The following SEPTIN9 variants were observed in gnomAD, a reference collection of about 807,000 sequenced individuals.
SEPTIN9 encodes septin 9, also known as septin-9.
Under a neutral mutation model 56.6 loss-of-function variants are expected in SEPTIN9, and 13 were observed. The observed-to-expected ratio is 0.23, with a 90% CI of 0.15 to 0.37. The LOEUF (loss-of-function observed/expected upper bound fraction) is 0.37. Ranked by LOEUF, SEPTIN9 falls within the 10% of genes least tolerant of loss-of-function variation. The pLI is 1.00. For synonymous variants in SEPTIN9, 332 were observed against 334.1 expected, an observed-to-expected ratio of 0.99 and a Z score of 0.07; for missense variants, 650 against 823.1, an observed-to-expected ratio of 0.79 and a Z score of 2.57.
In SEPTIN9 at chr17:77,389,107, T is replaced by C. The variant is rs991348732; in HGVS notation, c.77-12952T>C. Reference sequence around the variant, plus strand: ...TCCGGGTCCTGGTCCCCGGCAGAGCTTCCCATCCATGGGAAGAAGCACCGA... The same window carrying C: ...TCCGGGTCCTGGTCCCCGGCAGAGCCTCCCATCCATGGGAAGAAGCACCGA... On this transcript the variant is annotated intron_variant, in intron 2 of 11. Transcript: ENST00000427177. The surrounding 1 kb of genome is among the most constrained non-coding windows in gnomAD (Gnocchi z 4.3). Among the ~76,000 whole-genome samples, 1 of 152,096 alleles carries C rather than the reference T, an allele frequency of 6.6e-6. No homozygotes were observed. Among genetic ancestry groups the C allele is most frequent in the Non-Finnish European group, 1.5e-5 (1 of 67,998 alleles).
At chr17:77,373,629 G>A (rs932337007) in intron 2 of SEPTIN9, 66 of 1,515,436 alleles carry the variant, frequency 4.4e-5, no homozygotes, top group South Asian at 1.4e-4. Flanking sequence ...CGGGACGGGG[G>A]TGCGCTGAGG....
chr17:77,372,532 TTCCTTCGGAAACG>T (rs1274468639), intron 2 of SEPTIN9, among the ~76,000 whole-genome samples: 1 of 152,202 alleles, frequency 6.6e-6, no homozygotes. Flanking sequence ...CCTTCACACC[TTCCTTCGGAAACG>T]TCTGCTCCTG....
At chr17:77,409,089 A>G (rs560390967) in intron 3 of SEPTIN9, among the ~76,000 whole-genome samples, 1 of 151,894 alleles carries the variant, frequency 6.6e-6, no homozygotes, top group South Asian at 2.1e-4. Flanking sequence ...GGGATGCCTT[A>G]CTCGGAAGGT....
At position 77,453,230 on chromosome 17, in the gene SEPTIN9, G is replaced by C. The variant is rs1039694146; in HGVS notation, c.722-28914G>C. On this transcript the variant is annotated intron_variant, in intron 3 of 11. Coordinates refer to ENST00000427177, the MANE Select transcript of SEPTIN9 (RefSeq NM_001113491.2). The surrounding 1 kb of genome is among the most constrained non-coding windows in gnomAD (Gnocchi z 4.4). The stretch of plus-strand genomic sequence containing the variant: ...AGAAGATGCGACTTCTGCCCTGAGA[G>C]CCCTGCTTTAATGGAAGGCGGGGGC... Among the ~76,000 whole-genome samples, 1 of 152,098 alleles carries C rather than the reference G, an allele frequency of 6.6e-6. No homozygotes were observed. The highest frequency in any genetic ancestry group is 6.6e-5 in the Admixed American group (1 of 15,260).
In SEPTIN9 at chr17:77,451,409, GCTC is replaced by G; in HGVS notation, c.722-30732_722-30730del. Reference sequence around the variant, plus strand: ...CTACCTCTGCCCCGCGCTCTGGGAGGCTCCTTGTTCCGCGACCACAAAGCCCCT... The same window carrying G: ...CTACCTCTGCCCCGCGCTCTGGGAGGCTTGTTCCGCGACCACAAAGCCCCT... On this transcript the variant is annotated intron_variant, in intron 3 of 11. Transcript: ENST00000427177. The surrounding 1 kb of genome is among the most constrained non-coding windows in gnomAD (Gnocchi z 4.2). 2.0e-6 allele frequency: 2 copies of G among 985,684 alleles called. No homozygotes were observed. The highest frequency in any genetic ancestry group is 2.4e-6 in the Non-Finnish European group (2 of 830,086). 61.1% of individuals were successfully genotyped at this position (985,684 alleles called of 1,614,324 possible). A position where few individuals can be genotyped will look rare whatever the true frequency, so the allele number is the denominator to read the frequency against.
In SEPTIN9 at chr17:77,314,602, C is replaced by T. The variant is rs541654040; in HGVS notation, c.76+7405C>T. 1.6e-4 allele frequency among the ~76,000 whole-genome samples: 25 copies of T among 152,224 alleles called. No individual in the cohort carries two copies. The South Asian group carries it at 4.6e-3, about 28-fold the overall frequency. ...GGGACATGGAAGATGGCAGCAAATC[C>T]GAGCCCAGAGCATCAGAAAGCATGC... On this transcript the variant is annotated intron_variant, in intron 2 of 11. Transcript: ENST00000427177.
intron 3 of SEPTIN9, among the ~76,000 whole-genome samples, chr17:77,415,958 A>G (rs1385201131): frequency 6.6e-6 from 1 of 152,228 alleles, no homozygotes; most frequent in Non-Finnish European, 1.5e-5. Context: ...GGGGACACCA[A>G]AGAGCTCAGG....
Position 77,317,871 on chromosome 17 carries a change from T to C in SEPTIN9, c.76+10674T>C, listed in dbSNP as rs2032765318. On this transcript the variant is annotated intron_variant, in intron 2 of 11. Coordinates refer to ENST00000427177, the MANE Select transcript of SEPTIN9 (RefSeq NM_001113491.2). The surrounding 1 kb of genome is among the most constrained non-coding windows in gnomAD (Gnocchi z 4.2). ...TTCAAGATCAGCCTGGCCAATATGG[T>C]GAAACCCCGTTTCTACTAAAAATAC... 6.6e-6 allele frequency among the ~76,000 whole-genome samples: 1 copy of C among 151,962 alleles called. No homozygotes were observed. The highest frequency in any genetic ancestry group is 2.4e-5 in the African/African-American group (1 of 41,392).
chr17:77,467,301 T>C lies in SEPTIN9; in HGVS notation c.722-14843T>C, dbSNP rs942219224. Among the ~76,000 whole-genome samples the C allele has an allele frequency of 2.0e-5, 3 of 152,316 alleles. No homozygotes were observed. The Middle Eastern group carries it at 0.01, about 518-fold the overall frequency. On this transcript the variant is annotated intron_variant, in intron 3 of 11. Coordinates refer to ENST00000427177, the MANE Select transcript of SEPTIN9 (RefSeq NM_001113491.2). Reference sequence around the variant, plus strand: ...GAGTGGCCTGGCCAAGGTCTCAGTGTCTGGTTGGAGCCAGGCATAGGCTCA... The same window carrying C: ...GAGTGGCCTGGCCAAGGTCTCAGTGCCTGGTTGGAGCCAGGCATAGGCTCA...
intron 3 of SEPTIN9, among the ~76,000 whole-genome samples, chr17:77,414,758 T>G (rs2036438142): frequency 6.6e-6 from 1 of 151,878 alleles, no homozygotes; most frequent in Admixed American, 6.6e-5. Flanking sequence ...TTGTATTTTT[T>G]GTAGAGATGG....
intron 3 of SEPTIN9, among the ~76,000 whole-genome samples, chr17:77,452,709 C>G (rs1330123792): frequency 6.6e-6 from 1 of 151,916 alleles, no homozygotes; most frequent in Non-Finnish European, 1.5e-5. Context: ...GGCCCCATTC[C>G]CTAATAATGC....
At chr17:77,490,614 T>C in intron 7 of SEPTIN9, 128 bp from the exon 8 acceptor site, 1 of 736,864 alleles carries the variant, frequency 1.4e-6, no homozygotes, top group Non-Finnish European at 2.4e-6. Flanking sequence ...CGGGGCCCTG[T>C]CCTTGCCAGC....
intron 2 of SEPTIN9, among the ~76,000 whole-genome samples, chr17:77,397,550 G>C (rs1209679035): frequency 2.0e-5 from 3 of 152,186 alleles, no homozygotes; most frequent in African/African-American, 7.2e-5. Flanking sequence ...CAGAACCTCA[G>C]ACGAAAGTGA....
rs1029376306 is a variant in SEPTIN9, at chr17:77,319,481, C to T, written c.76+12284C>T. ...GGAATCTTCCAGGAAGTCCCCGTCC[C>T]GTTCGCCCTCTCTGCCTGGGCGGGG... On this transcript the variant is annotated intron_variant, in intron 2 of 11. Transcript: ENST00000427177. The surrounding 1 kb of genome is among the most constrained non-coding windows in gnomAD (Gnocchi z 5.3). 2.7e-5 allele frequency: 25 copies of T among 928,532 alleles called. No individual in the cohort carries two copies. The highest frequency in any genetic ancestry group is 1.2e-4 in the East Asian group (2 of 16,184). 57.5% of individuals were successfully genotyped at this position (928,532 alleles called of 1,614,324 possible).
Position 77,444,846 on chromosome 17 carries a change from C to T in SEPTIN9, c.722-37298C>T, listed in dbSNP as rs1380201425. ...AAGTGGGCGGTGGGAAGCTAGAAGC[C>T]GTGGTGTAGACCTACTTTGAGAGGT... On this transcript the variant is annotated intron_variant, in intron 3 of 11. Transcript: ENST00000427177. 2.2e-5 allele frequency: 6 copies of T among 276,922 alleles called. 1 individual carries two copies. The highest frequency in any genetic ancestry group is 5.5e-4 in the Middle Eastern group (1 of 1,826). 17.2% of individuals were successfully genotyped at this position (276,922 alleles called of 1,614,324 possible).
Position 77,319,823 on chromosome 17 carries a change from T to G in SEPTIN9, c.76+12626T>G. 9.3e-7 allele frequency: 1 copy of G among 1,077,092 alleles called. No individual in the cohort carries two copies. The highest frequency in any genetic ancestry group is 1.1e-6 in the Non-Finnish European group (1 of 885,910). 66.7% of individuals were successfully genotyped at this position (1,077,092 alleles called of 1,614,324 possible). A position where few individuals can be genotyped will look rare whatever the true frequency, so the allele number is the denominator to read the frequency against. On this transcript the variant is annotated intron_variant, in intron 2 of 11. Transcript: ENST00000427177. The surrounding 1 kb of genome is among the most constrained non-coding windows in gnomAD (Gnocchi z 5.3). ...GACTCTGTGAGTTGGTTTCCAAGAGTCTAAGTTAAGCATCTCCAAGTGGAT... is the reference window on the plus strand; with the variant it reads ...GACTCTGTGAGTTGGTTTCCAAGAGGCTAAGTTAAGCATCTCCAAGTGGAT...
At chr17:77,321,654 C>T (rs907766371) in intron 2 of SEPTIN9, among the ~76,000 whole-genome samples, 2 of 152,164 alleles carry the variant, frequency 1.3e-5, no homozygotes, top group African/African-American at 4.8e-5. Context: ...TCCCAAAGTG[C>T]TGGGATTACA....
rs1009642872 is a variant in SEPTIN9 at position 77,456,103 on chromosome 17, G to A, written c.722-26041G>A. On this transcript the variant is annotated intron_variant, in intron 3 of 11. Coordinates refer to ENST00000427177, the MANE Select transcript of SEPTIN9 (RefSeq NM_001113491.2). The surrounding 1 kb of genome is among the most constrained non-coding windows in gnomAD (Gnocchi z 6.0). ...GCCGGAGGAAACACTGCCCGTGGCCGGTGTCATCTGCCAGCCCTGAAGACT... is the reference window on the plus strand; with the variant it reads ...GCCGGAGGAAACACTGCCCGTGGCCAGTGTCATCTGCCAGCCCTGAAGACT... 2.8e-4 allele frequency among the ~76,000 whole-genome samples: 43 copies of A among 151,482 alleles called. No homozygotes were observed. The highest frequency in any genetic ancestry group is 9.4e-4 in the African/African-American group (39 of 41,354).
At chr17:77,491,665 G>T (rs2040032988) in intron 8 of SEPTIN9, among the ~76,000 whole-genome samples, 1 of 151,880 alleles carries the variant, frequency 6.6e-6, no homozygotes, top group Non-Finnish European at 1.5e-5. Context: ...TATTAGTCGG[G>T]CATGGTGGCG....
Sources: gnomAD v4.1 joint callset for allele counts (sites outside exome capture counted in the v4.1 genomes callset) on GRCh38, gnomAD v4.1.1 for gene constraint, Gnocchi (gnomAD v3.1) non-coding constraint, MANE v1.5 for transcripts, NCBI Gene and HGNC (gene_info 2026-07-23, HGNC 2026-07-21) for gene names.